ATP9B: variants seen among roughly 807,000 people sequenced by gnomAD.
ATP9B encodes the protein ATPase phospholipid transporting 9B, also known as probable phospholipid-transporting ATPase IIB.
In ATP9B, 110 loss-of-function variants were observed where a neutral mutation model predicts 146.1. That is an observed-to-expected ratio of 0.75 (90% CI 0.65 to 0.88). The LOEUF (loss-of-function observed/expected upper bound fraction) is 0.88, where lower values mean the gene tolerates loss of function less well. Ranked by LOEUF, ATP9B falls within the 40% of genes least tolerant of loss-of-function variation. ATP9B has a pLI of 0.00. For missense variants in ATP9B, 1,499 were observed against 1,496.4 expected, an observed-to-expected ratio of 1.00 and a Z score of -0.03; for synonymous variants, 604 against 569.7, an observed-to-expected ratio of 1.06 and a Z score of -0.86.
At chr18:79,169,821 C>T (rs2095041632) in intron 7 of ATP9B, among the ~76,000 whole-genome samples, 1 of 152,156 alleles carries the variant, frequency 6.6e-6, no homozygotes, top group African/African-American at 2.4e-5. Flanking sequence ...GAAATGACCA[C>T]AATCAGAAGT....
intron 4 of ATP9B, among the ~76,000 whole-genome samples, chr18:79,122,850 A>G (rs724807): frequency 0.069 from 10,545 of 152,174 alleles, 1,273 homozygotes; most frequent in African/African-American, 0.24. Flanking sequence ...CTGCTTTGTC[A>G]TAACTTGTTA....
intron 11 of ATP9B, among the ~76,000 whole-genome samples, chr18:79,221,260 AG>A (rs2095674046): frequency 6.6e-6 from 1 of 151,908 alleles, no homozygotes; most frequent in Non-Finnish European, 1.5e-5. Flanking sequence ...GAGTCATCCC[AG>A]CCCCACCAGA....
Position 79,324,553 on chromosome 18 carries a change from G to A in ATP9B, c.1774-4588G>A, listed in dbSNP as rs115915029. Among the ~76,000 whole-genome samples the A allele has an allele frequency of 7.5e-3, 1,149 of 152,216 alleles. 18 individuals are homozygous for A. The highest frequency in any genetic ancestry group is 0.027 in the African/African-American group (1,103 of 41,528). Reference sequence around the variant, plus strand: ...GTTGAGGTCTGTCTGACTCACTCTTGGGGTGTAGTTCTTCAGCCAGCGCTG... The same window carrying A: ...GTTGAGGTCTGTCTGACTCACTCTTAGGGTGTAGTTCTTCAGCCAGCGCTG... On this transcript the variant is annotated intron_variant, in intron 15 of 29. Coordinates refer to ENST00000426216, the MANE Select transcript of ATP9B (RefSeq NM_198531.5).
intron 12 of ATP9B, among the ~76,000 whole-genome samples, chr18:79,262,041 G>A (rs1450354795): frequency 6.6e-6 from 1 of 152,124 alleles, no homozygotes; most frequent in African/African-American, 2.4e-5. Flanking sequence ...GTGTGAGGGT[G>A]CAGGGATGAA....
chr18:79,201,773 T>C (rs2095490745), intron 9 of ATP9B, among the ~76,000 whole-genome samples: 1 of 152,126 alleles, frequency 6.6e-6, no homozygotes, highest in African/African-American at 2.4e-5. Flanking sequence ...TTTCACCATA[T>C]TGGTCTCGAA....
At chr18:79,310,234 T>C (rs1353614020) in intron 15 of ATP9B, among the ~76,000 whole-genome samples, 1 of 152,218 alleles carries the variant, frequency 6.6e-6, no homozygotes, top group Non-Finnish European at 1.5e-5. Flanking sequence ...GAGGCGGAGC[T>C]GGCGTGTGTG....
chr18:79,157,403 A>AAAAAAAAAAAAAC lies in ATP9B; in HGVS notation c.778+2860_778+2861insCAAAAAAAAAAAA, dbSNP rs2094805366. The stretch of plus-strand genomic sequence containing the variant: ...GAGAGTGAAACTCCATCTCAAAAAA[A>AAAAAAAAAAAAAC]AAAAAAAAAAAAAAAAAAAAACATG... On this transcript the variant is annotated intron_variant, in intron 7 of 29. Coordinates refer to ENST00000426216, the MANE Select transcript of ATP9B (RefSeq NM_198531.5). 7.6e-5 allele frequency among the ~76,000 whole-genome samples: 11 copies of AAAAAAAAAAAAAC among 145,536 alleles called. No individual in the cohort carries two copies. In the South Asian group the frequency reaches 9.1e-4, roughly 12 times the overall value.
At chr18:79,372,725 G>A (rs1199352574) in intron 26 of ATP9B, 100 bp from the exon 27 acceptor site, 1 of 830,174 alleles carries the variant, frequency 1.2e-6, no homozygotes, top group Admixed American at 1.8e-5. Flanking sequence ...GGGGCTTATG[G>A]ACCTGGGTCT....
At chr18:79,199,953 G>A (rs933956721) in intron 9 of ATP9B, among the ~76,000 whole-genome samples, 14 of 152,264 alleles carry the variant, frequency 9.2e-5, no homozygotes, top group African/African-American at 2.6e-4. Context: ...AGGACCTGCC[G>A]GAGGCTGTTT....
chr18:79,344,466 ATGTC>A lies in ATP9B; in HGVS notation c.2472+132_2472+135del, dbSNP rs368352912. The stretch of plus-strand genomic sequence containing the variant: ...GCAAGGCTGGACCCTGAGTGAGTAC[ATGTC>A]TGTCTGTCTGTCTGTCTGTGTCTCT... On this transcript the variant is annotated intron_variant, in intron 21 of 29. Transcript: ENST00000426216. 5.5e-4 allele frequency: 502 copies of A among 918,164 alleles called. 1 individual carries two copies. Among genetic ancestry groups the A allele is most frequent in the African/African-American group, 1.9e-3 (115 of 61,046 alleles). 56.9% of individuals were successfully genotyped at this position (918,164 alleles called of 1,614,324 possible).
chr18:79,196,003 A>G lies in ATP9B; in HGVS notation c.954+2740A>G, dbSNP rs558602362. ...CCCAGCATGCACGTGAGAAAACTCC[A>G]AGACGTGTAACTGCTGTCATATTTT... On this transcript the variant is annotated intron_variant, in intron 9 of 29. Transcript: ENST00000426216. 1.2e-4 allele frequency among the ~76,000 whole-genome samples: 19 copies of G among 152,328 alleles called. No individual in the cohort carries two copies. In the South Asian group the frequency reaches 2.5e-3, roughly 20 times the overall value.
intron 1 of ATP9B, among the ~76,000 whole-genome samples, chr18:79,088,911 A>AT (rs1403667050): frequency 2.0e-5 from 3 of 152,240 alleles, no homozygotes; most frequent in African/African-American, 7.2e-5. Context: ...CTTTCAATGC[A>AT]TCGTCACAAA....
Position 79,253,396 on chromosome 18 carries a change from C to G in ATP9B, c.1123C>G (p.Leu375Val). The change falls in exon 12 of 30, where the codon CTT becomes GTT. Residue 375 changes from leucine (L) to valine (V), a missense_variant. Leu to Val is a conservative substitution (Grantham distance 32). Transcript: ENST00000426216. Reference sequence around the variant, plus strand: ...TTTCTTTCAGGTTGGTTTGTTGGACCTTGAACTCAATCGGCTGACGAAAGC... The same window carrying G: ...TTTCTTTCAGGTTGGTTTGTTGGACGTTGAACTCAATCGGCTGACGAAAGC... Reference protein sequence around the residue: ...NPKNKVGLLDLELNRLTKALF... With the variant: ...NPKNKVGLLDVELNRLTKALF... 1.9e-6 allele frequency: 3 copies of G among 1,609,108 alleles called. No individual in the cohort carries two copies. Among genetic ancestry groups the G allele is most frequent in the Middle Eastern group, 1.7e-4 (1 of 6,048 alleles).
chr18:79,126,961 T>C (rs373815441), intron 5 of ATP9B, among the ~76,000 whole-genome samples: 22 of 151,824 alleles, frequency 1.4e-4, no homozygotes, highest in African/African-American at 5.3e-4. Context: ...AAGAAGAGAG[T>C]GGGGGAAACG....
rs1309605039 is a variant in ATP9B, at chr18:79,143,473, T to C, written c.668-329T>C. ...ACATCTCTGTGTTAAGTTTTAATGC[T>C]GAGATCATTTAGTAATATTTCTGAT... On this transcript the variant is annotated intron_variant, in intron 5 of 29. Transcript: ENST00000426216. 2.0e-5 allele frequency among the ~76,000 whole-genome samples: 3 copies of C among 152,216 alleles called. No homozygotes were observed. In the East Asian group the frequency reaches 5.8e-4, roughly 29 times the overall value.
chr18:79,165,748 A>G (rs1046104597), intron 7 of ATP9B, among the ~76,000 whole-genome samples: 50 of 152,134 alleles, frequency 3.3e-4, no homozygotes, highest in African/African-American at 1.2e-3. Context: ...GTCTTCCTGC[A>G]CTTCCTAGGC....
rs376792771 is a variant in ATP9B, at chr18:79,083,689, G to A, written c.120-12787G>A. On this transcript the variant is annotated intron_variant, in intron 1 of 29. Coordinates refer to ENST00000426216, the MANE Select transcript of ATP9B (RefSeq NM_198531.5). ...GTTTGCCTGACCCCTTGTGCTTCCC[G>A]GGTGAGGCGACACCCCACTTTGCTT... is the stretch of plus-strand genomic sequence containing the variant. Among the ~76,000 whole-genome samples the A allele has an allele frequency of 7.9e-5, 12 of 152,104 alleles. No individual in the cohort carries two copies. The South Asian group carries it at 8.3e-4, about 11-fold the overall frequency.
chr18:79,252,993 C>T (rs1255324687), intron 11 of ATP9B, among the ~76,000 whole-genome samples: 1 of 152,192 alleles, frequency 6.6e-6, no homozygotes, highest in East Asian at 1.9e-4. Flanking sequence ...CGCCTGCGCC[C>T]TCAGAAGTCT....
intron 15 of ATP9B, among the ~76,000 whole-genome samples, chr18:79,322,523 G>A (rs1199126014): frequency 3.4e-4 from 52 of 152,202 alleles, no homozygotes; most frequent in Non-Finnish European, 2.9e-5. Flanking sequence ...GGGGCCAAGT[G>A]GCTTCAGCCC....
Sources: gnomAD v4.1 joint callset for allele counts (sites outside exome capture counted in the v4.1 genomes callset) on GRCh38, gnomAD v4.1.1 for gene constraint, MANE v1.5 for transcripts, NCBI Gene and HGNC (gene_info 2026-07-23, HGNC 2026-07-21) for gene names.